The following JPH3 variants were observed in gnomAD, a reference collection of about 807,000 sequenced individuals.
JPH3 encodes junctophilin 3, also known as junctophilin-3.
JPH3 carries 11 observed loss-of-function variants against 59.6 expected under a neutral mutation model. That is an observed-to-expected ratio of 0.18 (90% CI 0.12 to 0.31). The LOEUF (loss-of-function observed/expected upper bound fraction) is 0.31, where lower values mean the gene tolerates loss of function less well. Among genes scored for constraint, JPH3 ranks in the 10% least tolerant of loss-of-function variants. JPH3 has a pLI of 1.00. For synonymous variants in JPH3, 673 were observed against 483.6 expected (o/e 1.39, Z -5.14); for missense variants, 1,202 against 1,105.7 (o/e 1.09, Z -1.24).
intron 3 of JPH3, 146 bp downstream of exon 3, chr16:87,684,412 C>G (rs1240508074): frequency 3.0e-6 from 4 of 1,321,870 alleles, no homozygotes; most frequent in East Asian, 2.5e-5. Flanking sequence ...TCTTCCTCTC[C>G]CGCCGAAGGT....
Position 87,626,405 on chromosome 16 carries a change from G to A in JPH3, c.383-17853G>A, listed in dbSNP as rs988439873. On this transcript the variant is annotated intron_variant, in intron 1 of 4. Transcript: ENST00000284262. Reference sequence around the variant, plus strand: ...GACCGCGAGTCCTCCAGGAGGACTGGGGCTCTCCTCCCAGCACCACCACGG... The same window carrying A: ...GACCGCGAGTCCTCCAGGAGGACTGAGGCTCTCCTCCCAGCACCACCACGG... 2.6e-5 allele frequency among the ~76,000 whole-genome samples: 4 copies of A among 152,290 alleles called. No individual in the cohort carries two copies. The East Asian group carries it at 7.7e-4, about 29-fold the overall frequency.
intron 1 of JPH3, among the ~76,000 whole-genome samples, chr16:87,634,959 C>T (rs1467080383): frequency 6.6e-6 from 1 of 152,248 alleles, no homozygotes; most frequent in Non-Finnish European, 1.5e-5. Context: ...AGTAAGAGTG[C>T]TGAGCTCCCG....
chr16:87,607,057 C>A (rs1249558378), intron 1 of JPH3, among the ~76,000 whole-genome samples: 1 of 152,180 alleles, frequency 6.6e-6, no homozygotes, highest in Admixed American at 6.5e-5. Context: ...TCTCTAAATG[C>A]CCCTGTGCAA....
intron 2 of JPH3, among the ~76,000 whole-genome samples, chr16:87,657,778 A>G (rs1035868833): frequency 6.6e-6 from 1 of 152,196 alleles, no homozygotes; most frequent in East Asian, 1.9e-4. Flanking sequence ...AGTTGCCCCG[A>G]GGACTGTGCT....
chr16:87,664,934 C>G (rs557740748), intron 2 of JPH3, among the ~76,000 whole-genome samples: 1 of 152,202 alleles, frequency 6.6e-6, no homozygotes, highest in Non-Finnish European at 1.5e-5. Context: ...CCCTGCCCAG[C>G]GCATTTGCCT....
intron 1 of JPH3, among the ~76,000 whole-genome samples, chr16:87,643,766 C>G (rs985043503): frequency 2.0e-5 from 3 of 152,262 alleles, no homozygotes; most frequent in African/African-American, 7.2e-5. Context: ...GAGGTGTCTT[C>G]AAAAACAGCC....
At chr16:87,617,427 C>T (rs2031012830) in intron 1 of JPH3, among the ~76,000 whole-genome samples, 1 of 152,036 alleles carries the variant, frequency 6.6e-6, no homozygotes, top group Non-Finnish European at 1.5e-5. Flanking sequence ...GCACAGATGT[C>T]TTCGCTTTCC....
intron 2 of JPH3, chr16:87,654,869 G>C (rs530238582): frequency 6.6e-6 from 1 of 152,260 alleles, no homozygotes; most frequent in Non-Finnish European, 1.5e-5. Flanking sequence ...GCGACCACTC[G>C]GCCCGGCGTA....
intron 3 of JPH3, 147 bp from the exon 4 acceptor site, chr16:87,689,499 T>G: frequency 1.3e-6 from 1 of 777,658 alleles, no homozygotes; most frequent in Non-Finnish European, 2.0e-6. Flanking sequence ...CGGTCCCCAC[T>G]CCCCTCCCTT....
intron 2 of JPH3, among the ~76,000 whole-genome samples, chr16:87,673,747 G>C (rs1189108693): frequency 1.3e-5 from 2 of 152,020 alleles, no homozygotes; most frequent in South Asian, 4.2e-4. Flanking sequence ...CCAACATGGC[G>C]AAACCCTGTC....
At chr16:87,689,503 C>G (rs994701545) in intron 3 of JPH3, 143 bp from the exon 4 acceptor site, 7 of 903,466 alleles carry the variant, frequency 7.7e-6, no homozygotes, top group Non-Finnish European at 1.0e-5. Context: ...CCCCACTCCC[C>G]TCCCTTGCCT....
At chr16:87,625,888 C>G (rs1188068430) in intron 1 of JPH3, among the ~76,000 whole-genome samples, 1 of 152,170 alleles carries the variant, frequency 6.6e-6, no homozygotes, top group African/African-American at 2.4e-5. Flanking sequence ...CCCTGATGAC[C>G]TCCACCTGCC....
chr16:87,624,016 C>A (rs1180348573), intron 1 of JPH3, among the ~76,000 whole-genome samples: 4 of 152,228 alleles, frequency 2.6e-5, no homozygotes, highest in Non-Finnish European at 1.5e-5. Context: ...GACAGGGTAA[C>A]TGTGCGGCCC....
At chr16:87,624,303 G>A (rs2031289248) in intron 1 of JPH3, among the ~76,000 whole-genome samples, 1 of 152,146 alleles carries the variant, frequency 6.6e-6, no homozygotes, top group African/African-American at 2.4e-5. Context: ...CCTCTAGCTA[G>A]CTACCCCTTC....
At chr16:87,604,970 G>A (rs145223680) in intron 1 of JPH3, 17,490 of 453,982 alleles carry the variant, frequency 0.039, 497 homozygotes, top group Non-Finnish European at 0.055. Context: ...TTGGTTCCAG[G>A]CTGTGGGCCT....
intron 4 of JPH3, chr16:87,694,981 G>A (rs200181795): frequency 1.4e-5 from 4 of 290,836 alleles, no homozygotes; most frequent in East Asian, 9.1e-5. Flanking sequence ...CTTCCACTCC[G>A]TGGCTGTTGT....
At chr16:87,608,033 C>T (rs1267393120) in intron 1 of JPH3, among the ~76,000 whole-genome samples, 1 of 152,332 alleles carries the variant, frequency 6.6e-6, no homozygotes, top group Admixed American at 6.5e-5. Flanking sequence ...GCCGTGAGGC[C>T]GTTTGATGGG....
intron 1 of JPH3, among the ~76,000 whole-genome samples, chr16:87,618,779 C>G (rs188769558): frequency 2.6e-5 from 4 of 152,164 alleles, no homozygotes; most frequent in African/African-American, 9.7e-5. Flanking sequence ...TGTTCAGATC[C>G]TTGCCCATTT....
At chr16:87,666,155 C>T (rs1280507842) in intron 2 of JPH3, among the ~76,000 whole-genome samples, 2 of 150,274 alleles carry the variant, frequency 1.3e-5, no homozygotes, top group African/African-American at 4.9e-5. Flanking sequence ...GCGGCATGGT[C>T]TTGGTTCACT....
Sources: allele counts gnomAD v4.1 joint callset (sites outside exome capture counted in the v4.1 genomes callset), GRCh38; gene constraint gnomAD v4.1.1; transcripts MANE v1.5; gene names NCBI Gene and HGNC (gene_info 2026-07-23, HGNC 2026-07-21).